The following TMEM145 variants were observed in gnomAD, a reference collection of about 807,000 sequenced individuals.
TMEM145 encodes transmembrane protein 145.
In TMEM145, 46 loss-of-function variants were observed where a neutral mutation model predicts 68.5. The ratio of observed to expected loss-of-function variants is 0.67; its 90% CI spans 0.53 to 0.86. The LOEUF is 0.86. Ranked by LOEUF, TMEM145 falls within the 40% of genes least tolerant of loss-of-function variation. The pLI, the probability that TMEM145 is intolerant of heterozygous loss-of-function variation, is 0.00. For missense variants in TMEM145, 570 were observed against 645.8 expected (o/e 0.88, Z 1.27); for synonymous variants, 255 against 280.2 (o/e 0.91, Z 0.90).
chr19:42,313,557 G>A lies in TMEM145; in HGVS notation c.120+61G>A. 8.2e-7 allele frequency: 1 copy of A among 1,221,660 alleles called. No individual in the cohort carries two copies. Among genetic ancestry groups the A allele is most frequent in the Non-Finnish European group, 1.0e-6 (1 of 968,142 alleles). The allele number at this position is 1,221,660 out of a possible 1,614,324, so 75.7% of individuals were successfully genotyped here. ...CCCCCGGGGGACGCAAGGGAGGCGA[G>A]GGGAGCGGGTACCGCCTCGCCCCCT... is the stretch of plus-strand genomic sequence containing the variant. On this transcript the variant is annotated intron_variant, in intron 1 of 14. Transcript: ENST00000301204. The surrounding 1 kb of genome is among the most constrained non-coding windows in gnomAD (Gnocchi z 5.1).
intron 12 of TMEM145, 51 bp downstream of exon 12, chr19:42,317,932 C>T (rs1287691295): frequency 6.2e-7 from 1 of 1,600,586 alleles, no homozygotes; most frequent in Non-Finnish European, 8.6e-7. Context: ...CGGGGCTCCC[C>T]AGAAGTGGTT....
At chr19:42,323,366 C>A (rs912328518) in intron 13 of TMEM145, among the ~76,000 whole-genome samples, 3 of 152,182 alleles carry the variant, frequency 2.0e-5, no homozygotes, top group Admixed American at 2.0e-4. Flanking sequence ...AGTGATCAGG[C>A]CTCTGATGGA....
At chr19:42,321,980 A>T (rs2038916376) in intron 13 of TMEM145, among the ~76,000 whole-genome samples, 1 of 152,204 alleles carries the variant, frequency 6.6e-6, no homozygotes, top group Non-Finnish European at 1.5e-5. Flanking sequence ...GGCGGCAGGC[A>T]AATACTTTGA....
At chr19:42,323,447 C>T (rs1384981462) in intron 13 of TMEM145, 136 bp from the exon 14 acceptor site, 1 of 794,480 alleles carries the variant, frequency 1.3e-6, no homozygotes, top group Non-Finnish European at 2.0e-6. Flanking sequence ...CCAGAGGGGA[C>T]GCCTAATCCA....
At chr19:42,314,251 C>G (rs2038831456) in intron 1 of TMEM145, 21 bp from the exon 2 acceptor site, 1 of 1,613,606 alleles carries the variant, frequency 6.2e-7, no homozygotes, top group Non-Finnish European at 8.5e-7. Context: ...AGCGGAGGGT[C>G]AGACTGGGCC....
rs200186410 is a variant in TMEM145, at chr19:42,316,755, C to T, written c.806+15C>T. On this transcript the variant is annotated intron_variant, in intron 10 of 14. Transcript: ENST00000301204. ...ACGGTGACACGGTGCCCGGGCAGGG[C>T]GTGCTCGTGGGGCGGCTGGTGGGGG... is the stretch of plus-strand genomic sequence containing the variant. The T allele has an allele frequency of 1.5e-4, 186 of 1,219,806 alleles. No individual in the cohort carries two copies. The highest frequency in any genetic ancestry group is 1.8e-4 in the Non-Finnish European group (164 of 891,258). The allele number at this position is 1,219,806 out of a possible 1,614,324, so 75.6% of individuals were successfully genotyped here. A position where few individuals can be genotyped will look rare whatever the true frequency, so the allele number is the denominator to read the frequency against.
chr19:42,314,582 G>A (rs1372261629), intron 3 of TMEM145, 31 bp from the exon 4 acceptor site: 11 of 1,614,076 alleles, frequency 6.8e-6, no homozygotes, highest in African/African-American at 1.3e-5. Context: ...GTTGCTGGCC[G>A]GGGGAGTGAC....
rs760065090 is a variant in TMEM145, at chr19:42,317,701, G to A, written c.901-8G>A. 10 of 1,613,876 alleles carry A rather than the reference G, an allele frequency of 6.2e-6. No individual in the cohort carries two copies. In the South Asian group the frequency reaches 6.6e-5, roughly 11 times the overall value. Reference sequence around the variant, plus strand: ...CAGGCTGTGATGGACCCTCTCCTGCGGGTCTAGTTCTTTGACCCAGGCCAG... The same window carrying A: ...CAGGCTGTGATGGACCCTCTCCTGCAGGTCTAGTTCTTTGACCCAGGCCAG... On this transcript the variant is annotated splice_polypyrimidine_tract_variant and splice_region_variant and intron_variant, in intron 11 of 14. Transcript: ENST00000301204.
In TMEM145 at chr19:42,323,683, C is replaced by T. The variant is rs1448866127; in HGVS notation, c.1295C>T (p.Ser432Phe). Residue 432 changes from serine (S) to phenylalanine (F), a missense_variant, in exon 14 of 15, where the codon TCC becomes TTC. Ser to Phe is a radical substitution (Grantham distance 155). Transcript: ENST00000301204. ...AGVPGPGGSQ[S>F]ADKAFPQHVY... Reference sequence around the variant, plus strand: ...GTCCCTGGACCCGGAGGGAGCCAATCCGCTGACAAGGCCTTCCCGCAGCAC... The same window carrying T: ...GTCCCTGGACCCGGAGGGAGCCAATTCGCTGACAAGGCCTTCCCGCAGCAC... The T allele has an allele frequency of 1.4e-5, 23 of 1,614,202 alleles. No individual in the cohort carries two copies. The highest frequency in any genetic ancestry group is 1.9e-5 in the Non-Finnish European group (23 of 1,180,024).
Position 42,323,606 on chromosome 19 carries a change from C to A in TMEM145, c.1218C>A (p.Ala406=), listed in dbSNP as rs1298917777. ...AGATCATGACCCGCCCATCAGCGGC[C>A]AACAAGAACTTCCCGTACCACGTGC... The part of the protein sequence containing the change: ...VFLIMTRPSA[A]NKNFPYHVRT... The change falls in exon 14 of 15, where the codon GCC becomes GCA. Residue 406 remains alanine, a synonymous_variant. Coordinates refer to ENST00000301204, the MANE Select transcript of TMEM145 (RefSeq NM_173633.3). 1.9e-6 allele frequency: 3 copies of A among 1,614,142 alleles called. No individual in the cohort carries two copies. The highest frequency in any genetic ancestry group is 2.2e-5 in the South Asian group (2 of 91,084).
chr19:42,316,857 G>T lies in TMEM145; in HGVS notation c.807-13G>T. On this transcript the variant is annotated splice_polypyrimidine_tract_variant and intron_variant, in intron 10 of 14. Coordinates refer to ENST00000301204, the MANE Select transcript of TMEM145 (RefSeq NM_173633.3). ...CCCCCACCCTGCTGTCTCCCCTCAT[G>T]GCCTGCTGCCAGGGGCCGCATCAGC... 6.2e-7 allele frequency: 1 copy of T among 1,612,854 alleles called. No homozygotes were observed.
At chr19:42,314,573 T>C in intron 3 of TMEM145, 40 bp from the exon 4 acceptor site, 2 of 1,614,092 alleles carry the variant, frequency 1.2e-6, no homozygotes, top group Non-Finnish European at 1.7e-6. Context: ...GAGAAGGTCG[T>C]TGCTGGCCGG....
At position 42,317,730 on chromosome 19, in the gene TMEM145, C is replaced by G. The variant is rs746480945; in HGVS notation, c.922C>G (p.Leu308Val). The G allele has an allele frequency of 1.2e-6, 2 of 1,614,206 alleles. No homozygotes were observed. Among genetic ancestry groups the G allele is most frequent in the Non-Finnish European group, 1.7e-6 (2 of 1,180,030 alleles). Residue 308 changes from leucine to valine, a missense_variant, in exon 12 of 15, where the codon CTG becomes GTG. Transcript: ENST00000301204. Reference protein sequence around the residue: ...EAEFFDPGQVLYTYESPAGYG... With the variant: ...EAEFFDPGQVVYTYESPAGYG... ...CTAGTTCTTTGACCCAGGCCAGGTA[C>G]TGTACACGTATGAGTCGCCGGCCGG...
intron 8 of TMEM145, among the ~76,000 whole-genome samples, chr19:42,315,706 C>T (rs2038850029): frequency 6.7e-6 from 1 of 150,238 alleles, no homozygotes; most frequent in Non-Finnish European, 1.5e-5. Context: ...GGGGGTGGGA[C>T]CTGACACCCC....
At chr19:42,323,264 T>TTTAAATTTTATTTTGA (rs1333986435) in intron 13 of TMEM145, among the ~76,000 whole-genome samples, 2 of 152,218 alleles carry the variant, frequency 1.3e-5, no homozygotes, top group Non-Finnish European at 2.9e-5. Flanking sequence ...GTGACCAAAA[T>TTTAAATTTTATTTTGA]TTAAATTTTA....
In TMEM145 at chr19:42,316,541, A is replaced by G. The variant is rs781314848; in HGVS notation, c.707A>G (p.Asn236Ser). 2 of 1,614,204 alleles carry G rather than the reference A, an allele frequency of 1.2e-6. No homozygotes were observed. The highest frequency in any genetic ancestry group is 1.7e-6 in the Non-Finnish European group (2 of 1,180,016). ...CAATATGCCACCGATGGCATTGGCAACGAGAGTGTGAAGATCTTGGGTGAG... is the reference window on the plus strand; with the variant it reads ...CAATATGCCACCGATGGCATTGGCAGCGAGAGTGTGAAGATCTTGGGTGAG... ...WGQYATDGIGNESVKILAKLL... is the reference protein window; with the variant it reads ...WGQYATDGIGSESVKILAKLL... The change falls in exon 9 of 15, where the codon AAC (asparagine) becomes AGC (serine). Residue 236 changes from asparagine (N) to serine (S), a missense_variant. Coordinates refer to ENST00000301204, the MANE Select transcript of TMEM145 (RefSeq NM_173633.3).
rs750586040 is a variant in TMEM145 at position 42,316,964 on chromosome 19, G to A, written c.900+1G>A. The A allele has an allele frequency of 3.7e-6, 6 of 1,613,002 alleles. No individual in the cohort carries two copies. Among genetic ancestry groups the A allele is most frequent in the Non-Finnish European group, 5.1e-6 (6 of 1,179,764 alleles). On this transcript the variant is annotated splice_donor_variant, in intron 11 of 14. Transcript: ENST00000301204. LOFTEE classifies it high-confidence loss of function. ...GGTGCTGCTCATCTACGAGGCGGAA[G>A]TGAGTCCGACTGGCCCCTGGCCGGG...
intron 11 of TMEM145, among the ~76,000 whole-genome samples, 163 bp downstream of exon 11, chr19:42,317,126 C>T (rs1016304076): frequency 6.6e-6 from 1 of 152,218 alleles, no homozygotes; most frequent in African/African-American, 2.4e-5. Flanking sequence ...GTGATTCCTC[C>T]TCTCTTCACC....
chr19:42,318,353 G>A (rs2038879710), intron 12 of TMEM145, among the ~76,000 whole-genome samples: 1 of 129,924 alleles, frequency 7.7e-6, no homozygotes, highest in East Asian at 2.3e-4. Context: ...GGGCCACAGA[G>A]CAAGACTCCA....
Sources: gnomAD v4.1 joint callset for allele counts (sites outside exome capture counted in the v4.1 genomes callset) on GRCh38, gnomAD v4.1.1 for gene constraint, Gnocchi (gnomAD v3.1) non-coding constraint, MANE v1.5 for transcripts, NCBI Gene and HGNC (gene_info 2026-07-23, HGNC 2026-07-21) for gene names.